The following GRIK4 variants were observed in gnomAD, a reference collection of about 807,000 sequenced individuals.
GRIK4 encodes glutamate receptor ionotropic, kainate 4.
A neutral mutation model predicts 104.9 loss-of-function variants in GRIK4; 40 were observed. That is an observed-to-expected ratio of 0.38 (90% CI 0.30 to 0.50). The LOEUF is 0.50. Among genes scored for constraint, GRIK4 ranks in the 20% least tolerant of loss-of-function variants. GRIK4 has a pLI of 0.93. For synonymous variants in GRIK4, 485 were observed against 524.9 expected (o/e 0.92, Z 1.04); for missense variants, 1,047 against 1,308.1 (o/e 0.80, Z 3.08).
chr11:120,828,537 TC>T (rs1953331552), intron 6 of GRIK4, among the ~76,000 whole-genome samples: 1 of 152,044 alleles, frequency 6.6e-6, no homozygotes, highest in Non-Finnish European at 1.5e-5. Flanking sequence ...CTCCCCTTAT[TC>T]CACAGAAAAG....
intron 1 of GRIK4, among the ~76,000 whole-genome samples, chr11:120,557,649 T>A (rs1948200173): frequency 6.6e-6 from 1 of 152,230 alleles, no homozygotes; most frequent in Admixed American, 6.5e-5. Context: ...CGTCTGAATC[T>A]GGAAGGGGTC....
At chr11:120,673,322 C>T (rs1950050262) in intron 3 of GRIK4, among the ~76,000 whole-genome samples, 1 of 152,178 alleles carries the variant, frequency 6.6e-6, no homozygotes, top group Non-Finnish European at 1.5e-5. Flanking sequence ...AGGAGCTTTA[C>T]ATTTGAAAGC....
chr11:120,553,626 A>G (rs1319419630), intron 1 of GRIK4, among the ~76,000 whole-genome samples: 2 of 152,164 alleles, frequency 1.3e-5, no homozygotes, highest in Non-Finnish European at 2.9e-5. Flanking sequence ...CTCAGGGGTT[A>G]TATTTGGAAC....
intron 3 of GRIK4, among the ~76,000 whole-genome samples, chr11:120,741,778 A>G (rs1951338242): frequency 6.6e-6 from 1 of 152,226 alleles, no homozygotes; most frequent in South Asian, 2.1e-4. Flanking sequence ...ACAGGCAAGC[A>G]CAGACACACT....
chr11:120,930,005 G>GGC (rs888672664), intron 13 of GRIK4, among the ~76,000 whole-genome samples: 4 of 136,540 alleles, frequency 2.9e-5, no homozygotes, highest in African/African-American at 1.0e-4. Flanking sequence ...CCACGTTTGG[G>GGC]GGGGGGGTCC....
intron 1 of GRIK4, among the ~76,000 whole-genome samples, chr11:120,580,972 G>A (rs1948573911): frequency 1.3e-5 from 2 of 152,118 alleles, no homozygotes; most frequent in East Asian, 3.8e-4. Flanking sequence ...GTTTTATGAG[G>A]CGTATGGTTG....
At chr11:120,668,911 A>G (rs1949968089) in intron 3 of GRIK4, among the ~76,000 whole-genome samples, 1 of 152,256 alleles carries the variant, frequency 6.6e-6, no homozygotes, top group Admixed American at 6.5e-5. Flanking sequence ...GTTCCTGCAT[A>G]GAAGCACTTA....
chr11:120,520,339 G>C (rs942451914), intron 1 of GRIK4, among the ~76,000 whole-genome samples: 3 of 152,216 alleles, frequency 2.0e-5, no homozygotes, highest in African/African-American at 7.2e-5. Flanking sequence ...GCCTCTATGC[G>C]TTTTGGAACT....
chr11:120,769,084 A>T (rs1339647235), intron 3 of GRIK4, among the ~76,000 whole-genome samples: 1 of 152,122 alleles, frequency 6.6e-6, no homozygotes, highest in Non-Finnish European at 1.5e-5. Context: ...CTCTAGCTGT[A>T]TTTTTTGGAA....
chr11:120,967,072 G>T lies in GRIK4; in HGVS notation c.2267-123G>T. ...TGGGCTCGCCCCACCCGCTGCATCT[G>T]TCTGTCCCCTCTCGAGGTGAAAGCA... is the stretch of plus-strand genomic sequence containing the variant. On this transcript the variant is annotated intron_variant, in intron 18 of 20. Coordinates refer to ENST00000527524, the MANE Select transcript of GRIK4 (RefSeq NM_014619.5). This position sits in a 1 kb window ranked among gnomAD's most constrained non-coding sequence, Gnocchi z 4.2. The T allele has an allele frequency of 9.1e-7, 1 of 1,101,342 alleles. No individual in the cohort carries two copies. The highest frequency in any genetic ancestry group is 1.6e-5 in the African/African-American group (1 of 63,750). The allele number at this position is 1,101,342 out of a possible 1,614,324, so 68.2% of individuals were successfully genotyped here. A position where few individuals can be genotyped will look rare whatever the true frequency, so the allele number is the denominator to read the frequency against.
intron 13 of GRIK4, among the ~76,000 whole-genome samples, chr11:120,911,600 G>C (rs1448691625): frequency 6.7e-6 from 1 of 149,048 alleles, no homozygotes; most frequent in African/African-American, 2.4e-5. Context: ...CCAGCACTTT[G>C]GGAGGCCGAG....
chr11:120,614,594 T>C lies in GRIK4; in HGVS notation c.-158-39091T>C, dbSNP rs1949082322. On this transcript the variant is annotated intron_variant, in intron 1 of 20. Coordinates refer to ENST00000527524, the MANE Select transcript of GRIK4 (RefSeq NM_014619.5). ...AGGCTTGGCCATTGCAGTGAAGACA[T>C]CTCCTGTGGCTGTAACCCCACTCAG... 4.6e-5 allele frequency among the ~76,000 whole-genome samples: 7 copies of C among 152,164 alleles called. No individual in the cohort carries two copies. The South Asian group carries it at 1.5e-3, about 32-fold the overall frequency.
chr11:120,595,342 T>A (rs982766022), intron 1 of GRIK4, among the ~76,000 whole-genome samples: 15 of 152,280 alleles, frequency 9.9e-5, no homozygotes, highest in Non-Finnish European at 1.5e-4. Flanking sequence ...TCTTTATGTC[T>A]GCTTCTTGTT....
At chr11:120,873,943 T>G (rs1347626531) in intron 9 of GRIK4, 123 bp from the exon 10 acceptor site, 1 of 875,154 alleles carries the variant, frequency 1.1e-6, no homozygotes, top group Non-Finnish European at 1.8e-6. Flanking sequence ...GAAGATGCAC[T>G]CTTATTTCCC....
rs151185878 is a variant in GRIK4 at position 120,682,012 on chromosome 11, A to G, written c.82+21612A>G. On this transcript the variant is annotated intron_variant, in intron 3 of 20. Transcript: ENST00000527524. ...CATTGTGTTAATATCACTGGGCAAT[A>G]AAACTGCTGTTAAGGATGACTTTTC... Among the ~76,000 whole-genome samples, 336 of 152,374 alleles carry G rather than the reference A, an allele frequency of 2.2e-3. 2 individuals carry two copies. Among genetic ancestry groups the G allele is most frequent in the African/African-American group, 7.8e-3 (323 of 41,590 alleles).
intron 1 of GRIK4, among the ~76,000 whole-genome samples, chr11:120,611,798 C>G (rs1006236088): frequency 9.2e-5 from 14 of 152,204 alleles, no homozygotes; most frequent in African/African-American, 3.1e-4. Flanking sequence ...CATCAGTGTT[C>G]CTGAAATGTT....
At chr11:120,658,194 C>T (rs906211089) in intron 2 of GRIK4, among the ~76,000 whole-genome samples, 3 of 151,962 alleles carry the variant, frequency 2.0e-5, no homozygotes, top group African/African-American at 7.3e-5. Flanking sequence ...GAGATTCATC[C>T]TTGCTGTTGC....
intron 1 of GRIK4, among the ~76,000 whole-genome samples, chr11:120,593,012 G>A (rs910558033): frequency 2.6e-5 from 4 of 152,074 alleles, no homozygotes; most frequent in Non-Finnish European, 4.4e-5. Context: ...GCGAAATCCC[G>A]TCTCTACTAA....
chr11:120,797,333 G>A (rs939566763), intron 3 of GRIK4, among the ~76,000 whole-genome samples: 3 of 152,118 alleles, frequency 2.0e-5, no homozygotes, highest in Non-Finnish European at 4.4e-5. Flanking sequence ...CTGGGGACTC[G>A]GAGCGTCCCA....
Sources: allele counts gnomAD v4.1 joint callset (sites outside exome capture counted in the v4.1 genomes callset), GRCh38; gene constraint gnomAD v4.1.1; non-coding constraint Gnocchi (gnomAD v3.1); transcripts MANE v1.5; gene names NCBI Gene and HGNC (gene_info 2026-07-23, HGNC 2026-07-21).